ZNF558: variants seen among roughly 807,000 people sequenced by gnomAD.
The protein encoded by ZNF558 is zinc finger protein 558.
ZNF558 carries 23 observed loss-of-function variants against 37.6 expected under a neutral mutation model. That is an observed-to-expected ratio of 0.61 (90% CI 0.44 to 0.87). ZNF558 has a LOEUF of 0.87. ZNF558 is among the 40% of genes least tolerant of loss of function. ZNF558 has a pLI of 0.00. For missense variants in ZNF558, 429 were observed against 483.7 expected (o/e 0.89, Z 1.06); for synonymous variants, 189 against 174.4 (o/e 1.08, Z -0.66).
At chr19:8,813,437 C>T (rs1389365383) in intron 7 of ZNF558, among the ~76,000 whole-genome samples, 3 of 152,168 alleles carry the variant, frequency 2.0e-5, no homozygotes, top group African/African-American at 7.2e-5. Flanking sequence ...CGGCTCACTG[C>T]AACCTCTGCC....
At chr19:8,826,145 G>C (rs1409652375) in intron 2 of ZNF558, among the ~76,000 whole-genome samples, 1 of 152,074 alleles carries the variant, frequency 6.6e-6, no homozygotes, top group Non-Finnish European at 1.5e-5. Context: ...GAAAAACGCA[G>C]GAAATGGGTT....
In ZNF558 at chr19:8,813,187, A is replaced by T; in HGVS notation, c.283T>A (p.Leu95Met). 1 of 1,599,968 alleles carries T rather than the reference A, an allele frequency of 6.3e-7. No individual in the cohort carries two copies. The highest frequency in any genetic ancestry group is 8.5e-7 in the Non-Finnish European group (1 of 1,172,548). The change falls in exon 8 of 10, where the codon TTG (leucine) becomes ATG (methionine). Residue 95 changes from leucine (L) to methionine (M), a missense_variant. Coordinates refer to ENST00000601372, the MANE Select transcript of ZNF558 (RefSeq NM_144693.3). ...RVNKPSLISQ[L>M]EQDKKVVTEE... is the part of the protein sequence containing the mutation. ...GTCACCACCTTCTTGTCTTGTTCCA[A>T]CTGGGATATCAGACTGGGTTTATTA...
At position 8,822,505 on chromosome 19, in the gene ZNF558, C is replaced by T; in HGVS notation, c.31+124G>A. The T allele has an allele frequency of 7.2e-7, 1 of 1,391,364 alleles. No individual in the cohort carries two copies. The highest frequency in any genetic ancestry group is 2.3e-5 in the East Asian group (1 of 42,702). 86.2% of individuals were successfully genotyped at this position (1,391,364 alleles called of 1,614,324 possible). A position where few individuals can be genotyped will look rare whatever the true frequency, so the allele number is the denominator to read the frequency against. ...GAGCTGCCCGATCAGACACGGAGGA[C>T]CTCTGGGCCCCTGGGGCTCCACTCC... On this transcript the variant is annotated intron_variant, in intron 5 of 9. Coordinates refer to ENST00000601372, the MANE Select transcript of ZNF558 (RefSeq NM_144693.3). This position sits in a 1 kb window ranked among gnomAD's most constrained non-coding sequence, Gnocchi z 4.4.
At chr19:8,831,579 C>T (rs1428156255) in intron 1 of ZNF558, among the ~76,000 whole-genome samples, 178 bp from the exon 2 acceptor site, 1 of 152,190 alleles carries the variant, frequency 6.6e-6, no homozygotes, top group Non-Finnish European at 1.5e-5. Context: ...TCCCATCTGG[C>T]CATCTGCTCC....
At chr19:8,828,839 T>C (rs1353498328) in intron 2 of ZNF558, among the ~76,000 whole-genome samples, 1 of 152,048 alleles carries the variant, frequency 6.6e-6, no homozygotes, top group East Asian at 1.9e-4. Flanking sequence ...GGTATGTGCC[T>C]GTAATCCTAG....
At chr19:8,812,130 A>C (rs2043810120) in intron 9 of ZNF558, 67 bp from the exon 10 acceptor site, 2 of 1,319,960 alleles carry the variant, frequency 1.5e-6, no homozygotes, top group Admixed American at 3.2e-5. Flanking sequence ...TTCTCCTAGG[A>C]ATCTTCTCTC....
intron 7 of ZNF558, among the ~76,000 whole-genome samples, chr19:8,818,722 C>G (rs775645449): frequency 1.3e-5 from 2 of 152,002 alleles, no homozygotes; most frequent in Non-Finnish European, 2.9e-5. Flanking sequence ...TGGTACTGAC[C>G]CAAGGACAGA....
chr19:8,828,369 A>G (rs2044278905), intron 2 of ZNF558, among the ~76,000 whole-genome samples: 1 of 152,190 alleles, frequency 6.6e-6, no homozygotes, highest in East Asian at 1.9e-4. Context: ...GAGACCCCAG[A>G]TAAGCGGGAC....
At chr19:8,830,312 A>G (rs534446109) in intron 2 of ZNF558, among the ~76,000 whole-genome samples, 63 of 152,302 alleles carry the variant, frequency 4.1e-4, no homozygotes, top group African/African-American at 1.5e-3. Flanking sequence ...TAGCAGTGTG[A>G]AAACTCTCAG....
chr19:8,823,422 C>CT, intron 4 of ZNF558, among the ~76,000 whole-genome samples: 1 of 111,954 alleles, frequency 8.9e-6, no homozygotes, highest in Non-Finnish European at 1.9e-5. Context: ...CAGTCAGCCC[C>CT]CCTCCTGCCT....
chr19:8,823,849 TGCCACTC>T (rs2044167548), intron 4 of ZNF558: 1 of 152,140 alleles, frequency 6.6e-6, no homozygotes, highest in Admixed American at 6.6e-5. Flanking sequence ...GCTGTGACGT[TGCCACTC>T]TGGAATAACA....
chr19:8,837,109 A>G (rs1327797661), upstream of ZNF558, among the ~76,000 whole-genome samples: 1 of 152,214 alleles, frequency 6.6e-6, no homozygotes, highest in Non-Finnish European at 1.5e-5. Context: ...TCAAGACATG[A>G]AGAAATGAAT....
chr19:8,830,463 GA>G (rs978378685), intron 2 of ZNF558, among the ~76,000 whole-genome samples: 11 of 149,168 alleles, frequency 7.4e-5, no homozygotes, highest in East Asian at 5.9e-4. Context: ...ATCTCATTAG[GA>G]AAAAAAAAAT....
chr19:8,829,259 C>CAA (rs145780276), intron 2 of ZNF558, among the ~76,000 whole-genome samples: 41 of 140,014 alleles, frequency 2.9e-4, no homozygotes, highest in African/African-American at 7.5e-4. Flanking sequence ...GACTCCATCT[C>CAA]AAAAAAAAAA....
At position 8,831,392 on chromosome 19, in the gene ZNF558, C is replaced by T. The variant is rs1052177441; in HGVS notation, c.-583G>A. The stretch of plus-strand genomic sequence containing the variant: ...AACACGAATCTGAGCTTGAATGATG[C>T]TTTTCTCATCTGAAAAAAAAAAAAA... On this transcript the variant is annotated 5_prime_UTR_variant, in exon 2 of 10. Coordinates refer to ENST00000601372, the MANE Select transcript of ZNF558 (RefSeq NM_144693.3). 2.6e-5 allele frequency: 3 copies of T among 116,762 alleles called. No individual in the cohort carries two copies. The highest frequency in any genetic ancestry group is 3.8e-5 in the Non-Finnish European group (2 of 52,922). The allele number at this position is 116,762 out of a possible 1,614,324, so 7.2% of individuals were successfully genotyped here. A position where few individuals can be genotyped will look rare whatever the true frequency, so the allele number is the denominator to read the frequency against.
In ZNF558 at chr19:8,822,632, C is replaced by T. The variant is rs372380317; in HGVS notation, c.28G>A (p.Ala10Thr). The T allele has an allele frequency of 3.1e-6, 5 of 1,614,004 alleles. No homozygotes were observed. The African/African-American group carries it at 5.3e-5, about 17-fold the overall frequency. The change falls in exon 5 of 10, where the codon GCT becomes ACT. Residue 10 changes from alanine to threonine, a missense_variant. Ala to Thr is a moderately conservative substitution (Grantham distance 58). Transcript: ENST00000601372. The surrounding 1 kb of genome is among the most constrained non-coding windows in gnomAD (Gnocchi z 4.4). ...ATGTCAGGACCCCACGACTCACCAG[C>T]AGTCGAGGGCAGGATGACAGCCGCC... MAAVILPST[A>T]APSSLFPASQ...
intron 2 of ZNF558, among the ~76,000 whole-genome samples, chr19:8,826,119 G>A (rs998366779): frequency 6.6e-6 from 1 of 152,112 alleles, no homozygotes; most frequent in African/African-American, 2.4e-5. Context: ...GGGAAGGCTG[G>A]TGGCCTCTAC....
chr19:8,809,507 G>C lies in ZNF558; in HGVS notation c.*1774C>G, dbSNP rs879987302. ...AAACCAACAGTATTTGGCATACCAA[G>C]ATAGAGAGAAAATAATCAGTATCAT... On this transcript the variant is annotated 3_prime_UTR_variant, in exon 10 of 10. Coordinates refer to ENST00000601372, the MANE Select transcript of ZNF558 (RefSeq NM_144693.3). The C allele has an allele frequency of 2.6e-5, 4 of 152,170 alleles. No individual in the cohort carries two copies. Among genetic ancestry groups the C allele is most frequent in the Non-Finnish European group, 5.9e-5 (4 of 68,026 alleles). The allele number at this position is 152,170 out of a possible 1,614,324, so 9.4% of individuals were successfully genotyped here.
chr19:8,829,091 G>A (rs575131168), intron 2 of ZNF558, among the ~76,000 whole-genome samples: 5 of 151,772 alleles, frequency 3.3e-5, no homozygotes, highest in Non-Finnish European at 7.4e-5. Context: ...GTGAAACCCC[G>A]TCTCTACTGA....
Sources: allele counts gnomAD v4.1 joint callset (sites outside exome capture counted in the v4.1 genomes callset), GRCh38; gene constraint gnomAD v4.1.1; non-coding constraint Gnocchi (gnomAD v3.1); transcripts MANE v1.5; gene names NCBI Gene and HGNC (gene_info 2026-07-23, HGNC 2026-07-21).